Variants in IQCB1 observed in about 807,000 individuals in gnomAD.
The protein encoded by IQCB1 is IQ motif containing B1, also known as IQ calmodulin-binding motif-containing protein 1.
In IQCB1, 56 loss-of-function variants were observed where a neutral mutation model predicts 84.4. That is an observed-to-expected ratio of 0.66 (90% confidence interval 0.54 to 0.83). The LOEUF (loss-of-function observed/expected upper bound fraction) is 0.83, where lower values mean the gene tolerates loss of function less well. Among genes scored for constraint, IQCB1 ranks in the 40% least tolerant of loss-of-function variants. The pLI, the probability that IQCB1 is intolerant of heterozygous loss-of-function variation, is 0.00. For missense variants in IQCB1, 629 were observed against 682.1 expected, an observed-to-expected ratio of 0.92 and a Z score of 0.87; for synonymous variants, 210 against 234.8, an observed-to-expected ratio of 0.89 and a Z score of 0.96.
In IQCB1 at chr3:121,776,245, G is replaced by GT. The variant is rs1294990770; in HGVS notation, c.1411-3533_1411-3532insA. 2.6e-5 allele frequency among the ~76,000 whole-genome samples: 4 copies of GT among 152,084 alleles called. No individual in the cohort carries two copies. In the East Asian group the frequency reaches 7.7e-4, roughly 29 times the overall value. On this transcript the variant is annotated intron_variant, in intron 13 of 14. Transcript: ENST00000310864. ...CGGCCAGAGATTCATCCATGTTGTTGAGAGTATCAATTTATTCCTTTATAC... is the reference window on the plus strand; with the variant it reads ...CGGCCAGAGATTCATCCATGTTGTTGTAGAGTATCAATTTATTCCTTTATAC...
chr3:121,834,376 T>C lies in IQCB1; in HGVS notation c.-13+15A>G, dbSNP rs1185409782. On this transcript the variant is annotated intron_variant, in intron 2 of 14. Coordinates refer to ENST00000310864, the MANE Select transcript of IQCB1 (RefSeq NM_001023570.4). ...ACACAAAAAGACAATTATTTATCTA[T>C]TTTAAGGCTACTACCCTGTTGCCAG... The C allele has an allele frequency of 1.3e-5, 2 of 152,212 alleles. No individual in the cohort carries two copies. The highest frequency in any genetic ancestry group is 2.9e-5 in the Non-Finnish European group (2 of 68,030). 9.4% of individuals were successfully genotyped at this position (152,212 alleles called of 1,614,324 possible).
At chr3:121,781,668 A>G (rs1437402568) in intron 13 of IQCB1, 75 bp downstream of exon 13, 8 of 1,130,226 alleles carry the variant, frequency 7.1e-6, no homozygotes, top group Non-Finnish European at 1.1e-5. Flanking sequence ...CACACAATAT[A>G]TGTGTGTGTG....
chr3:121,774,036 T>C (rs756164547), intron 13 of IQCB1, among the ~76,000 whole-genome samples: 3 of 151,528 alleles, frequency 2.0e-5, no homozygotes, highest in Non-Finnish European at 4.4e-5. Flanking sequence ...CTCCATAATA[T>C]ATAAAGAACT....
intron 11 of IQCB1, 136 bp from the exon 12 acceptor site, chr3:121,788,568 C>G: frequency 2.3e-6 from 2 of 872,276 alleles, no homozygotes; most frequent in Middle Eastern, 4.5e-4. Context: ...CCCAATTCTA[C>G]TATTTTACCA....
intron 13 of IQCB1, among the ~76,000 whole-genome samples, chr3:121,776,879 T>C (rs1177860503): frequency 1.3e-5 from 2 of 152,254 alleles, no homozygotes; most frequent in Admixed American, 6.5e-5. Context: ...GAGTTCTTTC[T>C]ATATTATGGA....
In IQCB1 at chr3:121,826,075, T is replaced by G. The variant is rs970350621; in HGVS notation, c.369A>C (p.Gln123His). The change falls in exon 5 of 15, where the codon CAA (glutamine) becomes CAC (histidine). Residue 123 changes from glutamine (Q) to histidine (H), a missense_variant. Transcript: ENST00000310864. Reference sequence around the variant, plus strand: ...CCTTAGCTGCATTGATAAAACATGTTTGTAATTGTCTCCCCAAAACTAGAA... The same window carrying G: ...CCTTAGCTGCATTGATAAAACATGTGTGTAATTGTCTCCCCAAAACTAGAA... ...ENFLVLGRQL[Q>H]TCFINAAKAE... 1 of 1,613,246 alleles carries G rather than the reference T, an allele frequency of 6.2e-7. No individual in the cohort carries two copies. The highest frequency in any genetic ancestry group is 8.5e-7 in the Non-Finnish European group (1 of 1,179,370).
intron 5 of IQCB1, among the ~76,000 whole-genome samples, chr3:121,816,746 TAA>T (rs1360075379): frequency 6.6e-6 from 1 of 152,096 alleles, no homozygotes; most frequent in Non-Finnish European, 1.5e-5. Flanking sequence ...TGGCGATCAT[TAA>T]AAAGTCAGGA....
chr3:121,818,554 G>A (rs1031182154), intron 5 of IQCB1, among the ~76,000 whole-genome samples: 1 of 152,174 alleles, frequency 6.6e-6, no homozygotes. Context: ...AGACATGTGA[G>A]CTTGTAGTTA....
rs36019026 is a variant in IQCB1 at position 121,815,928 on chromosome 3, C to CAAA, written c.394-6922_394-6920dup. 2.1e-4 allele frequency among the ~76,000 whole-genome samples: 19 copies of CAAA among 88,764 alleles called. 1 individual carries two copies. Among genetic ancestry groups the CAAA allele is most frequent in the East Asian group, 7.5e-4 (2 of 2,652 alleles). 58.2% of individuals were successfully genotyped at this position (88,764 alleles called of 152,430 possible). ...AACTACTTTACATTTCATGTGGAAC[C>CAAA]AAAAAAAAAAAAAAAAAAAAGAGCC... On this transcript the variant is annotated intron_variant, in intron 5 of 14. Transcript: ENST00000310864.
chr3:121,829,080 G>GC, intron 2 of IQCB1, 108 bp from the exon 3 acceptor site: 1 of 710,758 alleles, frequency 1.4e-6, no homozygotes, highest in Non-Finnish European at 2.5e-6. Context: ...AGCTTTTCTT[G>GC]CCTTGTTTGA....
At chr3:121,774,016 A>C (rs1260729544) in intron 13 of IQCB1, among the ~76,000 whole-genome samples, 1 of 152,172 alleles carries the variant, frequency 6.6e-6, no homozygotes, top group Non-Finnish European at 1.5e-5. Flanking sequence ...CATACATCTA[A>C]GGGATTAATC....
Position 121,828,601 on chromosome 3 carries a change from T to C in IQCB1, c.132A>G (p.Ser44=), listed in dbSNP as rs1437826187. ...EIINITPLGS[S]ELKKIKQDIY... Reference sequence around the variant, plus strand: ...TATCTTGTTTGATTTTCTTCAACTCTGAGCTTCCTAAAGGTGTGATGTTTA... The same window carrying C: ...TATCTTGTTTGATTTTCTTCAACTCCGAGCTTCCTAAAGGTGTGATGTTTA... The change falls in exon 4 of 15, where the codon TCA becomes TCG. Residue 44 remains serine (S), a synonymous_variant. Coordinates refer to ENST00000310864, the MANE Select transcript of IQCB1 (RefSeq NM_001023570.4). 1.2e-6 allele frequency: 2 copies of C among 1,603,216 alleles called. No individual in the cohort carries two copies. Among genetic ancestry groups the C allele is most frequent in the East Asian group, 4.5e-5 (2 of 44,748 alleles).
At chr3:121,809,070 TAAGGAGA>T in intron 5 of IQCB1, 61 bp from the exon 6 acceptor site, 11 of 901,210 alleles carry the variant, frequency 1.2e-5, no homozygotes, top group Non-Finnish European at 1.9e-5. Context: ...TTTTTTTTTT[TAAGGAGA>T]CTTCTCTCTG....
Position 121,814,555 on chromosome 3 carries a change from G to C in IQCB1, c.394-5546C>G, listed in dbSNP as rs891920230. 3.9e-5 allele frequency among the ~76,000 whole-genome samples: 6 copies of C among 152,094 alleles called. No individual in the cohort carries two copies. In the South Asian group the frequency reaches 1.2e-3, roughly 32 times the overall value. ...AAAGAAAGGCGAGAAGAATCAGATAGACACAATAAAAAATGATAAAGGGGA... is the reference window on the plus strand; with the variant it reads ...AAAGAAAGGCGAGAAGAATCAGATACACACAATAAAAAATGATAAAGGGGA... On this transcript the variant is annotated intron_variant, in intron 5 of 14. Transcript: ENST00000310864.
At chr3:121,784,307 A>C (rs564978955) in intron 12 of IQCB1, among the ~76,000 whole-genome samples, 1 of 151,530 alleles carries the variant, frequency 6.6e-6, no homozygotes, top group Admixed American at 6.6e-5. Context: ...TAGCCTTCTG[A>C]GTAGCTGGGA....
At chr3:121,828,654 T>C in intron 3 of IQCB1, 22 bp from the exon 4 acceptor site, 1 of 1,541,734 alleles carries the variant, frequency 6.5e-7, no homozygotes, top group East Asian at 2.3e-5. Flanking sequence ...GGAAATAAGA[T>C]ATATTTATTT....
At chr3:121,811,657 A>C (rs1380918315) in intron 5 of IQCB1, among the ~76,000 whole-genome samples, 1 of 152,114 alleles carries the variant, frequency 6.6e-6, no homozygotes, top group Non-Finnish European at 1.5e-5. Context: ...GCCACTGGGA[A>C]GTTTGGACTG....
rs1949318489 is a variant in IQCB1, at chr3:121,799,301, T to C, written c.661A>G (p.Thr221Ala). ...GTACTTCTTATAACTGGACTAGGAG[T>C]TGAAAAAAGCTTGAAAATAACTTCA... ...LDEVIFKLFS[T>A]PSPVIRSTAT... The change falls in exon 8 of 15, where the codon ACT becomes GCT. Residue 221 changes from threonine to alanine, a missense_variant. By Grantham distance (58) the Thr-to-Ala change is moderately conservative. Coordinates refer to ENST00000310864, the MANE Select transcript of IQCB1 (RefSeq NM_001023570.4). 7 of 1,606,798 alleles carry C rather than the reference T, an allele frequency of 4.4e-6. No homozygotes were observed. Among genetic ancestry groups the C allele is most frequent in the Non-Finnish European group, 6.0e-6 (7 of 1,174,764 alleles).
intron 7 of IQCB1, among the ~76,000 whole-genome samples, chr3:121,802,836 A>G (rs1040774867): frequency 1.3e-5 from 2 of 152,184 alleles, no homozygotes; most frequent in African/African-American, 4.8e-5. Context: ...TTTAATTAAG[A>G]ATTTCCCCAG....
Sources: allele counts gnomAD v4.1 joint callset (sites outside exome capture counted in the v4.1 genomes callset), GRCh38; gene constraint gnomAD v4.1.1; transcripts MANE v1.5; gene names NCBI Gene and HGNC (gene_info 2026-07-23, HGNC 2026-07-21).